The following F2 variants were observed in gnomAD, a reference collection of about 807,000 sequenced individuals.
The protein encoded by F2 is prothrombin.
F2 carries 34 observed loss-of-function variants against 81.9 expected under a neutral mutation model. That is an observed-to-expected ratio of 0.42 (90% CI 0.32 to 0.55). F2 has a LOEUF of 0.55. Among genes scored for constraint, F2 ranks in the 20% least tolerant of loss-of-function variants. The pLI is 0.18. For synonymous variants in F2, 296 were observed against 326.4 expected (o/e 0.91, Z 1.01); for missense variants, 630 against 833.4 (o/e 0.76, Z 3.00).
rs1163612056 is a variant in F2 at position 46,728,283 on chromosome 11, T to A, written c.1298+120T>A. 2.4e-5 allele frequency: 27 copies of A among 1,117,880 alleles called. No homozygotes were observed. Among genetic ancestry groups the A allele is most frequent in the Non-Finnish European group, 3.3e-5 (25 of 761,552 alleles). The allele number at this position is 1,117,880 out of a possible 1,614,324, so 69.2% of individuals were successfully genotyped here. On this transcript the variant is annotated intron_variant, in intron 10 of 13. Transcript: ENST00000311907. This position sits in a 1 kb window ranked among gnomAD's most constrained non-coding sequence, Gnocchi z 5.1. ...TCTGTATACCCCCCAGAATATAACA[T>A]CCCAGCAGTCTCTGCTGGAAAGCCC...
intron 12 of F2, among the ~76,000 whole-genome samples, chr11:46,737,660 G>A (rs567260538): frequency 6.6e-6 from 1 of 151,300 alleles, no homozygotes; most frequent in South Asian, 2.1e-4. Context: ...GGATGGTCTC[G>A]ATCTCCTGAC....
At chr11:46,720,003 G>A in intron 2 of F2, 141 bp downstream of exon 2, 2 of 1,217,282 alleles carry the variant, frequency 1.6e-6, no homozygotes, top group Non-Finnish European at 1.2e-6. Context: ...TCCTCACAGG[G>A]CTGGCAAGAG....
Position 46,728,256 on chromosome 11 carries a change from G to C in F2, c.1298+93G>C. 7.6e-7 allele frequency: 1 copy of C among 1,312,700 alleles called. No individual in the cohort carries two copies. The highest frequency in any genetic ancestry group is 1.1e-6 in the Non-Finnish European group (1 of 932,304). The allele number at this position is 1,312,700 out of a possible 1,614,324, so 81.3% of individuals were successfully genotyped here. On this transcript the variant is annotated intron_variant, in intron 10 of 13. Transcript: ENST00000311907. This position sits in a 1 kb window ranked among gnomAD's most constrained non-coding sequence, Gnocchi z 5.1. ...CTGGTGGCTCCGGGACACATAGGAT[G>C]TTCTGTATACCCCCCAGAATATAAC...
Position 46,719,424 on chromosome 11 carries a change from C to A in F2, c.79+110C>A. ...ACAGAGCTGGCCCCTAAGTAGGTCT[C>A]AGCCCCAGGCGGCCAGCTTAGGGAA... is the stretch of plus-strand genomic sequence containing the variant. On this transcript the variant is annotated intron_variant, in intron 1 of 13. Coordinates refer to ENST00000311907, the MANE Select transcript of F2 (RefSeq NM_000506.5). The surrounding 1 kb of genome is among the most constrained non-coding windows in gnomAD (Gnocchi z 4.7). 3 of 1,309,570 alleles carry A rather than the reference C, an allele frequency of 2.3e-6. No individual in the cohort carries two copies. Among genetic ancestry groups the A allele is most frequent in the South Asian group, 1.3e-5 (1 of 78,926 alleles). The allele number at this position is 1,309,570 out of a possible 1,614,324, so 81.1% of individuals were successfully genotyped here. A position where few individuals can be genotyped will look rare whatever the true frequency, so the allele number is the denominator to read the frequency against.
intron 9 of F2, among the ~76,000 whole-genome samples, chr11:46,727,535 T>A (rs1282169712): frequency 6.6e-6 from 1 of 151,814 alleles, no homozygotes; most frequent in Non-Finnish European, 1.5e-5. Flanking sequence ...CCCAGCACTT[T>A]GGGAGGCCAA....
chr11:46,729,583 T>A, intron 12 of F2, 22 bp downstream of exon 12: 1 of 1,604,002 alleles, frequency 6.2e-7, no homozygotes, highest in Non-Finnish European at 8.5e-7. Flanking sequence ...CAGGGCGGGC[T>A]GAGGGAACAG....
chr11:46,737,087 G>A (rs919102082), intron 12 of F2, among the ~76,000 whole-genome samples: 1 of 151,984 alleles, frequency 6.6e-6, no homozygotes, highest in African/African-American at 2.4e-5. Context: ...TTAATGGCTT[G>A]CCGGTTTTCT....
chr11:46,729,247 C>G (rs566169487), intron 11 of F2, 133 bp from the exon 12 acceptor site: 8 of 1,016,206 alleles, frequency 7.9e-6, no homozygotes, highest in African/African-American at 4.8e-5. Context: ...CCCAAAGTGC[C>G]GAGACCACAG....
intron 12 of F2, 91 bp from the exon 13 acceptor site, chr11:46,738,957 G>T (rs963936081): frequency 1.6e-6 from 2 of 1,288,074 alleles, no homozygotes; most frequent in Non-Finnish European, 2.3e-6. Flanking sequence ...GACTGGAGGG[G>T]TAAGTGGACT....
intron 4 of F2, among the ~76,000 whole-genome samples, chr11:46,722,281 A>T (rs2064842045): frequency 6.6e-6 from 1 of 152,234 alleles, no homozygotes; most frequent in Non-Finnish European, 1.5e-5. Context: ...TCAAAAGAGA[A>T]CAAAAATACA....
intron 3 of F2, 91 bp from the exon 4 acceptor site, chr11:46,720,695 ATCTT>A (rs1486948416): frequency 5.9e-6 from 9 of 1,530,410 alleles, no homozygotes; most frequent in Non-Finnish European, 8.2e-6. Flanking sequence ...CTGTTCATCC[ATCTT>A]TCTGTTTCTC....
intron 4 of F2, among the ~76,000 whole-genome samples, chr11:46,722,093 C>A (rs1458655662): frequency 1.3e-5 from 2 of 152,036 alleles, no homozygotes; most frequent in African/African-American, 4.8e-5. Flanking sequence ...GATCCACCAG[C>A]CTCAGCCTCC....
chr11:46,729,711 C>G, intron 12 of F2, 150 bp downstream of exon 12: 1 of 844,294 alleles, frequency 1.2e-6, no homozygotes, highest in Non-Finnish European at 1.8e-6. Context: ...GTAAAAGTCT[C>G]TATCCCATAA....
At position 46,726,810 on chromosome 11, in the gene F2, C is replaced by T. The variant is rs371281053; in HGVS notation, c.1103C>T (p.Ser368Leu). The change falls in exon 9 of 14, where the codon TCG becomes TTG. Residue 368 changes from serine (S) to leucine (L), a missense_variant. By Grantham distance (145) the Ser-to-Leu change is moderately radical. Transcript: ENST00000311907. The surrounding 1 kb of genome is among the most constrained non-coding windows in gnomAD (Gnocchi z 5.9). ...ATCGACGGGCGCATTGTGGAGGGCT[C>T]GGATGCAGAGATCGGCATGTCACCT... Reference protein sequence around the residue: ...SYIDGRIVEGSDAEIGMSPWQ... With the variant: ...SYIDGRIVEGLDAEIGMSPWQ... The T allele has an allele frequency of 3.1e-6, 5 of 1,614,150 alleles. No individual in the cohort carries two copies. Among genetic ancestry groups the T allele is most frequent in the East Asian group, 2.2e-5 (1 of 44,886 alleles).
At chr11:46,735,941 A>G (rs776168934) in intron 12 of F2, among the ~76,000 whole-genome samples, 2 of 151,184 alleles carry the variant, frequency 1.3e-5, no homozygotes, top group Non-Finnish European at 2.9e-5. Context: ...GCGGTGGCTC[A>G]CACCTGTAAT....
At chr11:46,731,437 T>C (rs562560432) in intron 12 of F2, among the ~76,000 whole-genome samples, 2 of 152,158 alleles carry the variant, frequency 1.3e-5, no homozygotes, top group Non-Finnish European at 2.9e-5. Context: ...CACCTCGGCT[T>C]CCCAAAGTGC....
At position 46,728,906 on chromosome 11, in the gene F2, A is replaced by C. The variant is rs967366097; in HGVS notation, c.1472+69A>C. The C allele has an allele frequency of 3.2e-6, 5 of 1,556,854 alleles. No individual in the cohort carries two copies. In the Admixed American group the frequency reaches 8.4e-5, roughly 26 times the overall value. ...TCTGGGCCTGGCTCTGATACCAAGTAGCCTTGCAAGAGCCCCTTTCCCTTT... is the reference window on the plus strand; with the variant it reads ...TCTGGGCCTGGCTCTGATACCAAGTCGCCTTGCAAGAGCCCCTTTCCCTTT... On this transcript the variant is annotated intron_variant, in intron 11 of 13. Coordinates refer to ENST00000311907, the MANE Select transcript of F2 (RefSeq NM_000506.5). The surrounding 1 kb of genome is among the most constrained non-coding windows in gnomAD (Gnocchi z 5.1).
chr11:46,731,951 C>T (rs1304335371), intron 12 of F2, among the ~76,000 whole-genome samples: 1 of 125,300 alleles, frequency 8.0e-6, no homozygotes, highest in Non-Finnish European at 1.6e-5. Flanking sequence ...GAGTCTCCCT[C>T]TATCACCCGG....
Position 46,725,927 on chromosome 11 carries a change from T to C in F2, c.628T>C (p.Leu210=), listed in dbSNP as rs772467044. The C allele has an allele frequency of 5.0e-6, 8 of 1,613,730 alleles. No individual in the cohort carries two copies. The South Asian group carries it at 5.5e-5, about 11-fold the overall frequency. Residue 210 remains leucine, a synonymous_variant, in exon 7 of 14, where the codon TTG becomes CTG. Coordinates refer to ENST00000311907, the MANE Select transcript of F2 (RefSeq NM_000506.5). ...CTCCAGTGTGAATCTGTCACCTCCATTGGAGCAGTGTGTCCCTGATCGGGG... is the reference window on the plus strand; with the variant it reads ...CTCCAGTGTGAATCTGTCACCTCCACTGGAGCAGTGTGTCCCTGATCGGGG... ...EGSSVNLSPP[L]EQCVPDRGQQ...
Sources: allele counts gnomAD v4.1 joint callset (sites outside exome capture counted in the v4.1 genomes callset), GRCh38; gene constraint gnomAD v4.1.1; non-coding constraint Gnocchi (gnomAD v3.1); transcripts MANE v1.5; gene names NCBI Gene and HGNC (gene_info 2026-07-23, HGNC 2026-07-21).